Variants in LTBP2 observed in about 807,000 individuals in gnomAD.
The protein encoded by LTBP2 is latent-transforming growth factor beta-binding protein 2.
Under a neutral mutation model 210.6 loss-of-function variants are expected in LTBP2, and 103 were observed. The observed-to-expected ratio is 0.49, with a 90% CI of 0.42 to 0.58. The LOEUF is 0.58. Among genes scored for constraint, LTBP2 ranks in the 20% least tolerant of loss-of-function variants. The pLI, the probability that LTBP2 is intolerant of heterozygous loss-of-function variation, is 0.00. For missense variants in LTBP2, 2,313 were observed against 2,494.5 expected (o/e 0.93, Z 1.55); for synonymous variants, 1,007 against 1,015.0 (o/e 0.99, Z 0.15).
chr14:74,524,938 G>C (rs1368003850), intron 15 of LTBP2, among the ~76,000 whole-genome samples, 186 bp downstream of exon 15: 1 of 152,212 alleles, frequency 6.6e-6, no homozygotes, highest in Non-Finnish European at 1.5e-5. Context: ...TTTCACAAGA[G>C]GGACCCTGTG....
At chr14:74,532,342 C>G in intron 10 of LTBP2, 84 bp downstream of exon 10, 1 of 1,588,032 alleles carries the variant, frequency 6.3e-7, no homozygotes, top group Non-Finnish European at 8.6e-7. Context: ...GGGAAAATTG[C>G]TGCCCTGGGC....
intron 3 of LTBP2, among the ~76,000 whole-genome samples, chr14:74,567,458 G>A (rs1415010859): frequency 6.6e-6 from 1 of 152,190 alleles, no homozygotes; most frequent in Non-Finnish European, 1.5e-5. Context: ...CCACCTCAGG[G>A]GCAGAGGCGG....
rs2088623640 is a variant in LTBP2 at position 74,612,057 on chromosome 14, G to A, written c.-113C>T. The A allele has an allele frequency of 8.3e-7, 1 of 1,206,486 alleles. No individual in the cohort carries two copies. Among genetic ancestry groups the A allele is most frequent in the Non-Finnish European group, 1.1e-6 (1 of 913,584 alleles). 74.7% of individuals were successfully genotyped at this position (1,206,486 alleles called of 1,614,324 possible). ...GCCCCGCCCGGCGGCCAGCTTCTCT[G>A]AGTCTAGGGGGCCCTGAAGCGGCCG... On this transcript the variant is annotated 5_prime_UTR_variant, in exon 1 of 36. Coordinates refer to ENST00000261978, the MANE Select transcript of LTBP2 (RefSeq NM_000428.3).
chr14:74,536,394 T>A (rs1299845497), intron 8 of LTBP2, among the ~76,000 whole-genome samples: 1 of 152,218 alleles, frequency 6.6e-6, no homozygotes, highest in Non-Finnish European at 1.5e-5. Context: ...AAGGATCTGT[T>A]GTACGACATA....
chr14:74,503,601 C>T lies in LTBP2; in HGVS notation c.4588G>A (p.Asp1530Asn), dbSNP rs751665600. The T allele has an allele frequency of 1.4e-5, 22 of 1,613,528 alleles. No individual in the cohort carries two copies. The highest frequency in any genetic ancestry group is 6.6e-5 in the South Asian group (6 of 91,074). ...TCACAGGCCAGGTCCTGGCACTCAT[C>T]GTGATCTGGGGAGGCAGGAAAGGGT... is the stretch of plus-strand genomic sequence containing the variant. ...DASHKKCEDH[D>N]ECQDLACENG... The change falls in exon 32 of 36, where the codon GAT (aspartate) becomes AAT (asparagine). Residue 1530 changes from aspartate (D) to asparagine (N), a missense_variant. By Grantham distance (23) the Asp-to-Asn change is conservative. This residue lies in a region of LTBP2 where 443 missense variants were observed against 501.4 expected (regional missense o/e 0.88). Transcript: ENST00000261978.
intron 28 of LTBP2, among the ~76,000 whole-genome samples, chr14:74,505,688 G>A (rs949992882): frequency 2.6e-5 from 4 of 152,132 alleles, no homozygotes; most frequent in Non-Finnish European, 5.9e-5. Context: ...AGTGGGAAAG[G>A]GAGAGCCCGG....
chr14:74,524,527 C>T (rs1388720104), intron 15 of LTBP2, among the ~76,000 whole-genome samples: 2 of 152,146 alleles, frequency 1.3e-5, no homozygotes, highest in Non-Finnish European at 2.9e-5. Context: ...CCTTGCTTCT[C>T]CTGCACCAAG....
intron 6 of LTBP2, 76 bp downstream of exon 6, chr14:74,552,111 C>G (rs1446743402): frequency 7.1e-7 from 1 of 1,407,620 alleles, no homozygotes; most frequent in Non-Finnish European, 9.7e-7. Context: ...CTATCCCTGT[C>G]ACAGCCATGG....
intron 8 of LTBP2, among the ~76,000 whole-genome samples, chr14:74,536,209 T>C (rs987074010): frequency 6.6e-6 from 1 of 152,108 alleles, no homozygotes; most frequent in African/African-American, 2.4e-5. Context: ...CAGTACTAAG[T>C]GAAATAAGAC....
At chr14:74,504,644 G>A in intron 30 of LTBP2, 134 bp downstream of exon 30, 1 of 819,428 alleles carries the variant, frequency 1.2e-6, no homozygotes, top group East Asian at 2.5e-5. Flanking sequence ...CAGGGAGTCA[G>A]CCCTGGGACA....
chr14:74,509,023 TC>T, intron 22 of LTBP2, 71 bp from the exon 23 acceptor site: 1 of 1,601,528 alleles, frequency 6.2e-7, no homozygotes. Context: ...AAGGGGGAAG[TC>T]TCCAGAGGAC....
intron 3 of LTBP2, among the ~76,000 whole-genome samples, chr14:74,577,512 T>C (rs2088074750): frequency 6.6e-6 from 1 of 151,554 alleles, no homozygotes; most frequent in South Asian, 2.1e-4. Flanking sequence ...CTCTTTTTTT[T>C]TTTTTTTTTT....
Position 74,510,190 on chromosome 14 carries a change from CG to C in LTBP2, c.3051del (p.Val1019SerfsTer10). ...GTGCACTTTCCATGGGCACAGACCCCGGGAGTCAGACACTCATTCACATCTG... is the reference window on the plus strand; with the variant it reads ...GTGCACTTTCCATGGGCACAGACCCCGGAGTCAGACACTCATTCACATCTG... ...SCVDVNECLT[P>X]GVCAHGKCTN... On this transcript the variant is annotated frameshift_variant, in exon 20 of 36. Transcript: ENST00000261978. LOFTEE classifies it high-confidence loss of function. The C allele has an allele frequency of 6.2e-7, 1 of 1,613,912 alleles. No homozygotes were observed. Among genetic ancestry groups the C allele is most frequent in the Non-Finnish European group, 8.5e-7 (1 of 1,180,016 alleles).
At chr14:74,552,117 C>T (rs1566634897) in intron 6 of LTBP2, 70 bp downstream of exon 6, 14 of 1,422,216 alleles carry the variant, frequency 9.8e-6, no homozygotes, top group Non-Finnish European at 1.3e-5. Context: ...CTGTCACAGC[C>T]ATGGTGACAG....
rs1376150834 is a variant in LTBP2, at chr14:74,516,926, T to C, written c.2804A>G (p.Glu935Gly). 1 of 1,551,766 alleles carries C rather than the reference T, an allele frequency of 6.4e-7. No individual in the cohort carries two copies. Among genetic ancestry groups the C allele is most frequent in the African/African-American group, 1.4e-5 (1 of 73,164 alleles). Residue 935 changes from glutamate (E) to glycine (G), a missense_variant, in exon 18 of 36, where the codon GAG becomes GGG. By Grantham distance (98) the Glu-to-Gly change is moderately conservative (BLOSUM62 -2). Coordinates refer to ENST00000261978, the MANE Select transcript of LTBP2 (RefSeq NM_000428.3). The stretch of plus-strand genomic sequence containing the variant: ...CCCCCCGCTGCACACCCCTGGCTGC[T>C]CACACTCATTGATATCTGTGAACAC... ...TQECQDINEC[E>G]QPGVCSGGQC...
chr14:74,505,095 G>GA lies in LTBP2; in HGVS notation c.4256_4257insT (p.His1420ProfsTer16). 1 of 1,614,058 alleles carries GA rather than the reference G, an allele frequency of 6.2e-7. No homozygotes were observed. Among genetic ancestry groups the GA allele is most frequent in the Non-Finnish European group, 8.5e-7 (1 of 1,180,034 alleles). ...CCAGGACACTGGAGCAGGGCGCATGGCCCTTCTGCCCGGAGTAGCAGTCCA... is the reference window on the plus strand; with the variant it reads ...CCAGGACACTGGAGCAGGGCGCATGGACCCTTCTGCCCGGAGTAGCAGTCCA... On this transcript the variant is annotated frameshift_variant, in exon 29 of 36. Coordinates refer to ENST00000261978, the MANE Select transcript of LTBP2 (RefSeq NM_000428.3). LOFTEE classifies it high-confidence loss of function.
At chr14:74,583,862 A>G (rs2088169161) in intron 3 of LTBP2, among the ~76,000 whole-genome samples, 1 of 152,230 alleles carries the variant, frequency 6.6e-6, no homozygotes, top group South Asian at 2.1e-4. Flanking sequence ...TGGACAGATC[A>G]TCTGAAGGCA....
At chr14:74,548,288 G>A (rs1008582766) in intron 8 of LTBP2, among the ~76,000 whole-genome samples, 3 of 151,784 alleles carry the variant, frequency 2.0e-5, no homozygotes, top group African/African-American at 7.3e-5. Flanking sequence ...CCTATGAGGG[G>A]CCTGGGCTCC....
At chr14:74,506,296 G>T in intron 27 of LTBP2, 105 bp from the exon 28 acceptor site, 2 of 1,445,692 alleles carry the variant, frequency 1.4e-6, no homozygotes, top group Non-Finnish European at 1.9e-6. Flanking sequence ...AGGCCTTGGG[G>T]AAGAAACAAG....
Sources: gnomAD v4.1 joint callset for allele counts (sites outside exome capture counted in the v4.1 genomes callset) on GRCh38, gnomAD v4.1.1 for gene constraint, gnomAD v4.1.1 regional missense constraint, MANE v1.5 for transcripts, NCBI Gene and HGNC (gene_info 2026-07-23, HGNC 2026-07-21) for gene names.